The following SYNPR variants were observed in gnomAD, a reference collection of about 807,000 sequenced individuals.
SYNPR encodes the protein synaptoporin.
A neutral mutation model predicts 32.9 loss-of-function variants in SYNPR; 23 were observed. The ratio of observed to expected loss-of-function variants is 0.70; its 90% CI spans 0.50 to 0.99. SYNPR has a LOEUF of 0.99. Among genes scored for constraint, SYNPR ranks in the 50% least tolerant of loss-of-function variants. SYNPR has a pLI of 0.00. For synonymous variants in SYNPR, 146 were observed against 135.9 expected (o/e 1.07, Z -0.52); for missense variants, 318 against 349.3 (o/e 0.91, Z 0.71).
At chr3:63,257,092 G>C (rs997563119) in intron 2 of SYNPR, among the ~76,000 whole-genome samples, 1 of 152,178 alleles carries the variant, frequency 6.6e-6, no homozygotes, top group African/African-American at 2.4e-5. Flanking sequence ...ATCTATATCT[G>C]ATTGGTGTAC....
intron 4 of SYNPR, among the ~76,000 whole-genome samples, chr3:63,557,618 TA>T (rs1702617045): frequency 6.6e-6 from 1 of 152,196 alleles, no homozygotes; most frequent in Admixed American, 6.5e-5. Flanking sequence ...TCAATAAAAT[TA>T]AAAACTCTAA....
chr3:63,606,895 A>G (rs1466691148), intron 4 of SYNPR, among the ~76,000 whole-genome samples: 2 of 152,120 alleles, frequency 1.3e-5, no homozygotes, highest in Non-Finnish European at 2.9e-5. Context: ...ATTGGTATCT[A>G]TTTCATGGTG....
chr3:63,267,174 G>C (rs2086497361), intron 2 of SYNPR: 2 of 152,176 alleles, frequency 1.3e-5, no homozygotes, highest in African/African-American at 4.8e-5. Flanking sequence ...AATGTATCAG[G>C]TTAACTAATG....
chr3:63,486,673 T>C (rs993500664), intron 3 of SYNPR, among the ~76,000 whole-genome samples: 8 of 152,314 alleles, frequency 5.3e-5, no homozygotes, highest in South Asian at 2.1e-4. Context: ...AACTGCTTGA[T>C]TGATCAATCG....
chr3:63,551,179 C>A (rs1702493857), intron 3 of SYNPR, among the ~76,000 whole-genome samples: 2 of 152,316 alleles, frequency 1.3e-5, no homozygotes, highest in South Asian at 4.1e-4. Flanking sequence ...AATATGTGGT[C>A]TTTTGTGACT....
intron 2 of SYNPR, among the ~76,000 whole-genome samples, chr3:63,254,676 G>A (rs1388165217): frequency 7.9e-5 from 12 of 152,176 alleles, no homozygotes; most frequent in Admixed American, 5.2e-4. Flanking sequence ...ATTATAGGAC[G>A]TTTAGCAGCA....
intron 2 of SYNPR, among the ~76,000 whole-genome samples, chr3:63,389,303 C>A (rs979836948): frequency 5.3e-5 from 8 of 152,060 alleles, no homozygotes; most frequent in Non-Finnish European, 8.8e-5. Context: ...ACCTTAAGTG[C>A]AAAAAAGTGG....
chr3:63,482,386 T>C (rs981348687), intron 3 of SYNPR, among the ~76,000 whole-genome samples: 1 of 152,146 alleles, frequency 6.6e-6, no homozygotes. Flanking sequence ...CTTTCTAACA[T>C]TATCTCACTC....
rs1385437769 is a variant in SYNPR at position 63,546,972 on chromosome 3, A to G, written c.210-9571A>G. ...TGATTCTGGCTGCCTGGAAAATGCCATTTATCCGAAGATATGGAGTTCATC... is the reference window on the plus strand; with the variant it reads ...TGATTCTGGCTGCCTGGAAAATGCCGTTTATCCGAAGATATGGAGTTCATC... On this transcript the variant is annotated intron_variant, in intron 3 of 5. Coordinates refer to ENST00000478300, the MANE Select transcript of SYNPR (RefSeq NM_001130003.2). 2.6e-5 allele frequency among the ~76,000 whole-genome samples: 4 copies of G among 152,266 alleles called. No homozygotes were observed. In the East Asian group the frequency reaches 5.8e-4, roughly 22 times the overall value.
At position 63,320,830 on chromosome 3, in the gene SYNPR, G is replaced by A. The variant is rs1487999045; in HGVS notation, c.84+42088G>A. ...TCTTAGTTTTGTGATTTACTATGTGGCCTTCATGTTCTGAGTTATCTGTGA... is the reference window on the plus strand; with the variant it reads ...TCTTAGTTTTGTGATTTACTATGTGACCTTCATGTTCTGAGTTATCTGTGA... On this transcript the variant is annotated intron_variant, in intron 2 of 5. Coordinates refer to ENST00000478300, the MANE Select transcript of SYNPR (RefSeq NM_001130003.2). Among the ~76,000 whole-genome samples, 8 of 151,958 alleles carry A rather than the reference G, an allele frequency of 5.3e-5. 1 individual carries two copies. Among genetic ancestry groups the A allele is most frequent in the Middle Eastern group, 6.3e-3 (2 of 316 alleles).
At chr3:63,255,742 C>T (rs576555589) in intron 2 of SYNPR, among the ~76,000 whole-genome samples, 1 of 152,228 alleles carries the variant, frequency 6.6e-6, no homozygotes, top group East Asian at 1.9e-4. Context: ...AAGTGTCAGA[C>T]AGTGGGTGAA....
chr3:63,329,029 G>T (rs1290946472), intron 2 of SYNPR, among the ~76,000 whole-genome samples: 1 of 152,030 alleles, frequency 6.6e-6, no homozygotes, highest in African/African-American at 2.4e-5. Context: ...TCTAAAAATA[G>T]GAGCAGTCTC....
chr3:63,501,978 T>C (rs1237248610), intron 3 of SYNPR, among the ~76,000 whole-genome samples: 1 of 152,092 alleles, frequency 6.6e-6, no homozygotes, highest in Non-Finnish European at 1.5e-5. Flanking sequence ...AAAATACACA[T>C]TACATTTCAA....
chr3:63,595,745 A>ATATATATAATTT (rs1699931097), intron 4 of SYNPR, among the ~76,000 whole-genome samples: 1 of 41,928 alleles, frequency 2.4e-5, no homozygotes, highest in Non-Finnish European at 3.6e-5. Context: ...ATATATATAT[A>ATATATATAATTT]TATATATATA....
intron 2 of SYNPR, among the ~76,000 whole-genome samples, chr3:63,421,029 T>C (rs1383161681): frequency 6.6e-6 from 1 of 152,108 alleles, no homozygotes; most frequent in Admixed American, 6.5e-5. Flanking sequence ...TACAGGCACA[T>C]ACCACCATGC....
At chr3:63,477,135 G>A (rs1436962401) in intron 2 of SYNPR, among the ~76,000 whole-genome samples, 1 of 152,096 alleles carries the variant, frequency 6.6e-6, no homozygotes, top group African/African-American at 2.4e-5. Flanking sequence ...GCGAGTAACT[G>A]GGAGGGGAAT....
chr3:63,555,563 G>A (rs1361072171), intron 3 of SYNPR, among the ~76,000 whole-genome samples: 2 of 152,078 alleles, frequency 1.3e-5, no homozygotes, highest in Non-Finnish European at 2.9e-5. Context: ...ATTGCCCAAA[G>A]CATCTTATTT....
At chr3:63,480,980 G>A (rs772867437) in intron 3 of SYNPR, 24 bp downstream of exon 3, 7 of 1,603,854 alleles carry the variant, frequency 4.4e-6, no homozygotes, top group Non-Finnish European at 5.1e-6. Flanking sequence ...GTTCATGCTT[G>A]TTAGCCTCAC....
intron 1 of SYNPR, among the ~76,000 whole-genome samples, chr3:63,237,875 G>A (rs1473630867): frequency 6.6e-6 from 1 of 152,046 alleles, no homozygotes; most frequent in African/African-American, 2.4e-5. Context: ...GGCCTCAGGT[G>A]TCTCTGGGAG....
Sources: allele counts gnomAD v4.1 joint callset (sites outside exome capture counted in the v4.1 genomes callset), GRCh38; gene constraint gnomAD v4.1.1; transcripts MANE v1.5; gene names NCBI Gene and HGNC (gene_info 2026-07-23, HGNC 2026-07-21).